Variants in TEKTIP1 observed in about 807,000 individuals in gnomAD.
TEKTIP1 encodes tektin bundle-interacting protein 1.
chr19:3,541,875 C>G, the TEKTIP1 span: 1 of 841,230 alleles, frequency 1.2e-6, no homozygotes, highest in Non-Finnish European at 1.4e-6. Flanking sequence ...GTGACGCAAT[C>G]TCGGCTCACT....
At chr19:3,540,447 G>A in the TEKTIP1 span, among the ~76,000 whole-genome samples, 44 of 151,434 alleles carry the variant, frequency 2.9e-4, 1 homozygote, top group East Asian at 2.4e-3. Flanking sequence ...TAGTAGAGAC[G>A]GGGTTTCACC....
the TEKTIP1 span, chr19:3,542,530 A>G: frequency 1.1e-6 from 1 of 910,704 alleles, no homozygotes; most frequent in Non-Finnish European, 1.3e-6. Flanking sequence ...CTGGAGTGCA[A>G]GGGCACGATC....
At chr19:3,540,121 T>A in the TEKTIP1 span, 2 of 139,900 alleles carry the variant, frequency 1.4e-5, no homozygotes, top group Admixed American at 7.7e-5. Context: ...TTTGAGACAG[T>A]CTCATACTGT....
the TEKTIP1 span, chr19:3,542,785 T>C: frequency 2.2e-6 from 3 of 1,368,196 alleles, no homozygotes; most frequent in Non-Finnish European, 2.9e-6. Context: ...CCTGGCCTAG[T>C]GGGTCCCCCA....
the TEKTIP1 span, chr19:3,543,716 A>G: frequency 4.0e-6 from 6 of 1,500,318 alleles, no homozygotes; most frequent in Non-Finnish European, 5.4e-6. Context: ...TTGGGAGGCC[A>G]GGGGGACAAG....
At chr19:3,542,972 G>A in the TEKTIP1 span, 2 of 1,555,102 alleles carry the variant, frequency 1.3e-6, no homozygotes, top group Admixed American at 3.5e-5. Flanking sequence ...CTCCAGGCAA[G>A]AAAAGCTGAG....
the TEKTIP1 span, among the ~76,000 whole-genome samples, chr19:3,540,732 A>G: frequency 6.6e-6 from 1 of 151,554 alleles, no homozygotes; most frequent in Non-Finnish European, 1.5e-5. Context: ...ATACAAAATT[A>G]GCCGGGAATG....
the TEKTIP1 span, among the ~76,000 whole-genome samples, chr19:3,540,997 C>T: frequency 6.6e-6 from 1 of 151,308 alleles, no homozygotes; most frequent in South Asian, 2.1e-4. Context: ...AGTGAAACCC[C>T]ATCTGTACTA....
the TEKTIP1 span, chr19:3,543,784 C>T: frequency 3.8e-5 from 57 of 1,492,426 alleles, no homozygotes; most frequent in South Asian, 2.2e-4. Flanking sequence ...TGCTGGCCAA[C>T]GGCGAGGAGG....
chr19:3,542,733 T>G, the TEKTIP1 span: 11 of 1,322,200 alleles, frequency 8.3e-6, no homozygotes, highest in South Asian at 9.6e-5. Flanking sequence ...TCCACCTGCC[T>G]CAGCCTCCCA....
At chr19:3,543,476 G>T in the TEKTIP1 span, 2 of 1,524,790 alleles carry the variant, frequency 1.3e-6, no homozygotes, top group Non-Finnish European at 1.8e-6. Context: ...GCCATCGGGT[G>T]AGTGCCCCCC....
the TEKTIP1 span, chr19:3,544,026 A>T: frequency 4.9e-4 from 749 of 1,523,162 alleles, 4 homozygotes; most frequent in African/African-American, 8.9e-3. Context: ...TGCTACCAGG[A>T]TGCACCCACT....
the TEKTIP1 span, chr19:3,542,199 C>T: frequency 4.1e-6 from 4 of 985,378 alleles, no homozygotes; most frequent in Non-Finnish European, 4.8e-6. Context: ...CTTGAAATTG[C>T]CTTTCTAGTG....
chr19:3,540,882 A>G, the TEKTIP1 span, among the ~76,000 whole-genome samples: 3 of 133,434 alleles, frequency 2.2e-5, no homozygotes, highest in Admixed American at 2.3e-4. Context: ...AAAAAAAAAA[A>G]AAAAAAATCC....
chr19:3,543,258 G>C, the TEKTIP1 span: 1 of 1,546,442 alleles, frequency 6.5e-7, no homozygotes. Flanking sequence ...TCCCTGGAGG[G>C]TTCCCGCTGG....
chr19:3,543,726 G>C, the TEKTIP1 span: 1 of 1,494,630 alleles, frequency 6.7e-7, no homozygotes, highest in Non-Finnish European at 9.0e-7. Context: ...AGGGGGACAA[G>C]GCCACCTAGG....
chr19:3,543,424 C>A, the TEKTIP1 span: 3 of 1,546,800 alleles, frequency 1.9e-6, no homozygotes, highest in African/African-American at 4.1e-5. Context: ...GCGAGGCCTA[C>A]AACCGCTGGC....
chr19:3,543,010 T>C, the TEKTIP1 span: 3 of 1,601,824 alleles, frequency 1.9e-6, no homozygotes, highest in South Asian at 3.3e-5. Context: ...CTGACTTGGG[T>C]GCTTGGGGTG....
chr19:3,541,038 G>A, the TEKTIP1 span, among the ~76,000 whole-genome samples: 16 of 133,958 alleles, frequency 1.2e-4, no homozygotes, highest in African/African-American at 3.1e-4. Flanking sequence ...TTGTGGTGGC[G>A]GGCGCCTGCA....
Sources: gnomAD v4.1 joint callset for allele counts (sites outside exome capture counted in the v4.1 genomes callset) on GRCh38, gnomAD v4.1.1 for gene constraint, MANE v1.5 for transcripts, NCBI Gene and HGNC (gene_info 2026-07-23, HGNC 2026-07-21) for gene names.